The following DSCAML1 variants were observed in gnomAD, a reference collection of about 807,000 sequenced individuals.
DSCAML1 encodes the protein DS cell adhesion molecule like 1.
A neutral mutation model predicts 200.5 loss-of-function variants in DSCAML1; 38 were observed. That is an observed-to-expected ratio of 0.19 (90% CI 0.15 to 0.25). The LOEUF (loss-of-function observed/expected upper bound fraction) is 0.25, where lower values mean the gene tolerates loss of function less well. Ranked by LOEUF, DSCAML1 falls within the 10% of genes least tolerant of loss-of-function variation. The pLI is 1.00. For synonymous variants in DSCAML1, 1,215 were observed against 1,165.0 expected, an observed-to-expected ratio of 1.04 and a Z score of -0.87; for missense variants, 2,223 against 2,858.8, an observed-to-expected ratio of 0.78 and a Z score of 5.07.
At chr11:117,430,514 G>C (rs1464292970) in intron 32 of DSCAML1, among the ~76,000 whole-genome samples, 1 of 152,228 alleles carries the variant, frequency 6.6e-6, no homozygotes. Context: ...CTTGCCCAAG[G>C]CCACAGACAT....
chr11:117,685,623 T>G (rs2053389969), intron 3 of DSCAML1, among the ~76,000 whole-genome samples: 1 of 152,208 alleles, frequency 6.6e-6, no homozygotes, highest in African/African-American at 2.4e-5. Flanking sequence ...AGGTTTGCTT[T>G]CTACCCCTGG....
chr11:117,714,749 G>A (rs1201746720), intron 3 of DSCAML1, among the ~76,000 whole-genome samples: 2 of 151,352 alleles, frequency 1.3e-5, no homozygotes, highest in Non-Finnish European at 2.9e-5. Context: ...TTGAACCTGG[G>A]AGGTGGAGGT....
intron 3 of DSCAML1, among the ~76,000 whole-genome samples, chr11:117,681,055 T>C (rs779792312): frequency 6.6e-6 from 1 of 152,176 alleles, no homozygotes; most frequent in African/African-American, 2.4e-5. Context: ...CCCTGGATTC[T>C]CATCTTGCAT....
chr11:117,437,566 C>T lies in DSCAML1; in HGVS notation c.4433-157G>A, dbSNP rs766865733. Among the ~76,000 whole-genome samples the T allele has an allele frequency of 5.3e-5, 8 of 150,546 alleles. No individual in the cohort carries two copies. The highest frequency in any genetic ancestry group is 8.9e-5 in the Non-Finnish European group (6 of 67,724). On this transcript the variant is annotated intron_variant, in intron 25 of 32. Coordinates refer to ENST00000651296, the MANE Select transcript of DSCAML1 (RefSeq NM_020693.4). This position sits in a 1 kb window ranked among gnomAD's most constrained non-coding sequence, Gnocchi z 5.3. Reference sequence around the variant, plus strand: ...CAGATGGGGTGGGGAAGCCCCAGGGCGCAGAGGAGGAAGAGGAGGGGAGGG... The same window carrying T: ...CAGATGGGGTGGGGAAGCCCCAGGGTGCAGAGGAGGAAGAGGAGGGGAGGG...
At chr11:117,546,759 T>C (rs2050379872) in intron 3 of DSCAML1, among the ~76,000 whole-genome samples, 1 of 152,094 alleles carries the variant, frequency 6.6e-6, no homozygotes, top group Admixed American at 6.5e-5. Flanking sequence ...GTTCTCTCTC[T>C]CCCCGAATCC....
At chr11:117,653,043 T>C (rs1285814243) in intron 3 of DSCAML1, among the ~76,000 whole-genome samples, 1 of 152,146 alleles carries the variant, frequency 6.6e-6, no homozygotes, top group African/African-American at 2.4e-5. Flanking sequence ...GGCATCCAAA[T>C]GGTGACAGAA....
In DSCAML1 at chr11:117,439,388, A is replaced by G. The variant is rs2047993896; in HGVS notation, c.4022T>C (p.Leu1341Pro). ...CAGCAGTGTGCCATTGGTGTGGATG[A>G]GCCGGTGCCCATCCATGGACACTGG... ...AIPVSMDGHR[L>P]IHTNGTLLLR... The change falls in exon 23 of 33, where the codon CTC becomes CCC. Residue 1341 changes from leucine (L) to proline (P), a missense_variant. Around this residue, in one of 7 missense-constraint regions of DSCAML1, gnomAD observed 614 missense variants for 739.1 expected, o/e 0.83. Transcript: ENST00000651296. The G allele has an allele frequency of 6.2e-7, 1 of 1,613,686 alleles. No individual in the cohort carries two copies. The highest frequency in any genetic ancestry group is 8.5e-7 in the Non-Finnish European group (1 of 1,179,956).
At chr11:117,645,108 T>G (rs751577594) in intron 3 of DSCAML1, among the ~76,000 whole-genome samples, 6 of 152,160 alleles carry the variant, frequency 3.9e-5, no homozygotes, top group Non-Finnish European at 8.8e-5. Flanking sequence ...GTGGTTCATG[T>G]CTCAGCATGG....
chr11:117,706,399 C>T (rs2053759679), intron 3 of DSCAML1, among the ~76,000 whole-genome samples: 1 of 152,204 alleles, frequency 6.6e-6, no homozygotes, highest in Non-Finnish European at 1.5e-5. Context: ...CTAACTTTCC[C>T]ATGACTCGGT....
chr11:117,743,143 G>C (rs767537671), intron 3 of DSCAML1, among the ~76,000 whole-genome samples: 1 of 152,176 alleles, frequency 6.6e-6, no homozygotes, highest in African/African-American at 2.4e-5. Context: ...TTGCCCTCGA[G>C]GCACTTCTAG....
At chr11:117,523,674 A>G (rs1415202550) in intron 5 of DSCAML1, among the ~76,000 whole-genome samples, 1 of 152,220 alleles carries the variant, frequency 6.6e-6, no homozygotes, top group African/African-American at 2.4e-5. Flanking sequence ...CACTAGGCCC[A>G]GAAGTGGGCT....
chr11:117,797,548 TGGGACACGA>T (rs2055607215), upstream of DSCAML1, among the ~76,000 whole-genome samples: 1 of 152,240 alleles, frequency 6.6e-6, no homozygotes, highest in Admixed American at 6.5e-5. Flanking sequence ...CTAAGTCACC[TGGGACACGA>T]GCTTCCTGCC....
chr11:117,585,522 A>G (rs1372574034), intron 3 of DSCAML1, among the ~76,000 whole-genome samples: 1 of 152,222 alleles, frequency 6.6e-6, no homozygotes, highest in Non-Finnish European at 1.5e-5. Context: ...CTGGGATTAC[A>G]GGTGTGAGCC....
intron 3 of DSCAML1, among the ~76,000 whole-genome samples, chr11:117,672,225 G>T (rs1175257255): frequency 4.6e-5 from 7 of 152,008 alleles, no homozygotes. Flanking sequence ...GCAGGTTACT[G>T]TGGAAGCAAG....
In DSCAML1 at chr11:117,443,927, C is replaced by T; in HGVS notation, c.3821G>A (p.Gly1274Asp). The change falls in exon 21 of 33, where the codon GGC (glycine) becomes GAC (aspartate). Residue 1274 changes from glycine (G) to aspartate (D), a missense_variant. By Grantham distance (94) the Gly-to-Asp change is moderately conservative. This residue lies in a region of DSCAML1 where 614 missense variants were observed against 739.1 expected (regional missense o/e 0.83). Coordinates refer to ENST00000651296, the MANE Select transcript of DSCAML1 (RefSeq NM_020693.4). Reference protein sequence around the residue: ...WVAAVTSAGRGNSSEKVTIEP... With the variant: ...WVAAVTSAGRDNSSEKVTIEP... ...GATGGTCACCTTCTCGCTGCTGTTG[C>T]CCCGGCCGGCAGAGGTGACGGCGGC... is the stretch of plus-strand genomic sequence containing the variant. 1 of 1,612,502 alleles carries T rather than the reference C, an allele frequency of 6.2e-7. No homozygotes were observed.
chr11:117,614,000 G>C (rs1206214659), intron 3 of DSCAML1, among the ~76,000 whole-genome samples: 2 of 152,174 alleles, frequency 1.3e-5, no homozygotes, highest in African/African-American at 4.8e-5. Flanking sequence ...GGCTCTCTGG[G>C]TGAAGGAGGG....
At chr11:117,479,681 C>T (rs2048869048) in intron 14 of DSCAML1, among the ~76,000 whole-genome samples, 1 of 152,070 alleles carries the variant, frequency 6.6e-6, no homozygotes, top group Non-Finnish European at 1.5e-5. Flanking sequence ...CAGAGTCTCA[C>T]TCTGTTGCCC....
intron 8 of DSCAML1, among the ~76,000 whole-genome samples, chr11:117,507,028 C>A (rs575816156): frequency 6.6e-6 from 1 of 152,076 alleles, no homozygotes; most frequent in South Asian, 2.1e-4. Context: ...TATGTCTCAG[C>A]CCCTGGATGG....
At chr11:117,461,791 G>T (rs191735979) in intron 17 of DSCAML1, among the ~76,000 whole-genome samples, 195 bp from the exon 18 acceptor site, 1 of 152,362 alleles carries the variant, frequency 6.6e-6, no homozygotes. Flanking sequence ...TTCCTTTCCT[G>T]GAGATTGGGG....
Sources: allele counts gnomAD v4.1 joint callset (sites outside exome capture counted in the v4.1 genomes callset), GRCh38; gene constraint gnomAD v4.1.1; regional missense constraint gnomAD v4.1.1; non-coding constraint Gnocchi (gnomAD v3.1); transcripts MANE v1.5; gene names NCBI Gene and HGNC (gene_info 2026-07-23, HGNC 2026-07-21).